The following MPP7 variants were observed in gnomAD, a reference collection of about 807,000 sequenced individuals.
MPP7 encodes MAGUK p55 subfamily member 7.
In MPP7, 60 loss-of-function variants were observed where a neutral mutation model predicts 76.5. The observed-to-expected ratio is 0.78, with a 90% CI of 0.64 to 0.97. The LOEUF (loss-of-function observed/expected upper bound fraction) is 0.97. Among genes scored for constraint, MPP7 ranks in the 50% least tolerant of loss-of-function variants. The probability of loss-of-function intolerance (pLI) is 0.00; values close to 1 mark genes in which losing one functional copy is unlikely to be tolerated. For missense variants in MPP7, 641 were observed against 694.0 expected (o/e 0.92, Z 0.86); for synonymous variants, 237 against 244.5 (o/e 0.97, Z 0.29).
intron 11 of MPP7, among the ~76,000 whole-genome samples, chr10:28,111,704 TTC>T (rs1158677416): frequency 6.6e-6 from 1 of 152,230 alleles, no homozygotes; most frequent in South Asian, 2.1e-4. Flanking sequence ...TTTATTTTTA[TTC>T]TGTCTATATT....
At chr10:28,147,785 C>T (rs571609454) in intron 4 of MPP7, among the ~76,000 whole-genome samples, 65 of 152,310 alleles carry the variant, frequency 4.3e-4, no homozygotes, top group African/African-American at 1.3e-3. Flanking sequence ...ATCAAGTAAT[C>T]GTATCAGCCA....
intron 11 of MPP7, chr10:28,118,015 C>CA (rs148306655): frequency 0.044 from 35,585 of 807,388 alleles, 1,353 homozygotes; most frequent in African/African-American, 0.2. Flanking sequence ...AAAACAAAAA[C>CA]AAAAAAAAAC....
chr10:28,100,243 T>C (rs1355848914), intron 11 of MPP7, among the ~76,000 whole-genome samples: 1 of 152,020 alleles, frequency 6.6e-6, no homozygotes, highest in Non-Finnish European at 1.5e-5. Flanking sequence ...TTGAATATAA[T>C]GCCAATGCTG....
chr10:28,190,528 G>A (rs1228771730), intron 3 of MPP7, among the ~76,000 whole-genome samples: 4 of 151,980 alleles, frequency 2.6e-5, no homozygotes, highest in African/African-American at 7.3e-5. Context: ...AAAGACAGCA[G>A]GAAAATCTCT....
chr10:28,118,982 AG>A, intron 11 of MPP7: 2 of 985,372 alleles, frequency 2.0e-6, no homozygotes, highest in Non-Finnish European at 2.4e-6. Flanking sequence ...CATCTAGGCG[AG>A]GTGGAACAGG....
At chr10:28,145,690 T>C (rs147224017) in intron 5 of MPP7, among the ~76,000 whole-genome samples, 3 of 152,306 alleles carry the variant, frequency 2.0e-5, no homozygotes, top group East Asian at 3.9e-4. Flanking sequence ...CAAAACATCA[T>C]GTATCCTGGA....
At chr10:28,238,379 G>A (rs907446299) in intron 2 of MPP7, among the ~76,000 whole-genome samples, 189 bp downstream of exon 2, 42 of 152,312 alleles carry the variant, frequency 2.8e-4, no homozygotes, top group African/African-American at 8.2e-4. Flanking sequence ...CAGAGAAAGA[G>A]GCAATGAGTC....
intron 2 of MPP7, among the ~76,000 whole-genome samples, chr10:28,224,524 T>C (rs1467977574): frequency 1.3e-5 from 2 of 152,204 alleles, no homozygotes; most frequent in Non-Finnish European, 2.9e-5. Flanking sequence ...TTCTATGAAT[T>C]AGTACAAAGC....
intron 2 of MPP7, among the ~76,000 whole-genome samples, chr10:28,209,420 G>T (rs1182399985): frequency 6.7e-6 from 1 of 150,156 alleles, no homozygotes. Flanking sequence ...AGTGAGCTAT[G>T]ATTGCACCAC....
At chr10:28,262,190 TATATATATATATATATAC>T (rs1488398267) in intron 1 of MPP7, among the ~76,000 whole-genome samples, 2 of 4,656 alleles carry the variant, frequency 4.3e-4, no homozygotes, top group African/African-American at 6.1e-4. Context: ...ATAAATTATA[TATATATATATATATATAC>T]ATATATATAT....
intron 12 of MPP7, among the ~76,000 whole-genome samples, chr10:28,077,620 T>G (rs1852557872): frequency 6.6e-6 from 1 of 152,216 alleles, no homozygotes; most frequent in South Asian, 2.1e-4. Flanking sequence ...CAAAATCTAT[T>G]TACATTCCAA....
At position 28,185,134 on chromosome 10, in the gene MPP7, G is replaced by A. The variant is rs181685122; in HGVS notation, c.156+17019C>T. On this transcript the variant is annotated intron_variant, in intron 3 of 16. Transcript: ENST00000683449. ...ACTTAAGGTCAGGAGTTCGAGACCA[G>A]CCTATATTATATATTTTTTAATAAT... Among the ~76,000 whole-genome samples, 9 of 147,958 alleles carry A rather than the reference G, an allele frequency of 6.1e-5. No homozygotes were observed. The East Asian group carries it at 1.8e-3, about 29-fold the overall frequency.
chr10:28,091,777 A>G (rs1853318808), intron 11 of MPP7, among the ~76,000 whole-genome samples: 1 of 152,176 alleles, frequency 6.6e-6, no homozygotes. Context: ...GTGTTATTTC[A>G]TCTGTATTGA....
chr10:28,280,976 A>G (rs1380309056), intron 1 of MPP7, among the ~76,000 whole-genome samples: 2 of 152,098 alleles, frequency 1.3e-5, no homozygotes, highest in Non-Finnish European at 2.9e-5. Flanking sequence ...AATGGAAAAT[A>G]CCATATACAG....
intron 8 of MPP7, among the ~76,000 whole-genome samples, chr10:28,123,625 C>A (rs867560647): frequency 6.6e-6 from 1 of 151,858 alleles, no homozygotes; most frequent in Admixed American, 6.6e-5. Flanking sequence ...ACTGCCACCA[C>A]GTGCAGCTAA....
In MPP7 at chr10:28,204,751, T is replaced by C. The variant is rs76672395; in HGVS notation, c.38-2480A>G. On this transcript the variant is annotated intron_variant, in intron 2 of 16. Transcript: ENST00000683449. ...ATTCATATGGCAGCATTTAGCCCTG[T>C]GGCTGGCACAGCGTAGGCAGTCCGT... Among the ~76,000 whole-genome samples the C allele has an allele frequency of 4.4e-3, 667 of 152,362 alleles. 5 individuals are homozygous for C. Among genetic ancestry groups the C allele is most frequent in the African/African-American group, 0.015 (609 of 41,590 alleles).
intron 1 of MPP7, among the ~76,000 whole-genome samples, chr10:28,262,933 A>T (rs1840038609): frequency 6.6e-6 from 1 of 152,096 alleles, no homozygotes. Flanking sequence ...GCATGTGCCT[A>T]TAATCCCAGC....
Position 28,189,594 on chromosome 10 carries a change from A to C in MPP7, c.156+12559T>G, listed in dbSNP as rs918312716. 1.7e-4 allele frequency among the ~76,000 whole-genome samples: 25 copies of C among 150,342 alleles called. 1 individual carries two copies. Among genetic ancestry groups the C allele is most frequent in the East Asian group, 5.8e-4 (3 of 5,158 alleles). On this transcript the variant is annotated intron_variant, in intron 3 of 16. Coordinates refer to ENST00000683449, the MANE Select transcript of MPP7 (RefSeq NM_001318170.2). Reference sequence around the variant, plus strand: ...TCAAAAAAAAAAAAAAAAAAAAAAAAAAAAACCTGTATTTGTTGTAAATGT... The same window carrying C: ...TCAAAAAAAAAAAAAAAAAAAAAAACAAAAACCTGTATTTGTTGTAAATGT...
upstream of MPP7, among the ~76,000 whole-genome samples, chr10:28,304,989 C>T (rs1342033031): frequency 6.6e-6 from 1 of 152,010 alleles, no homozygotes; most frequent in Non-Finnish European, 1.5e-5. Flanking sequence ...AGATAAACTT[C>T]CAGACCGGGA....
Sources: gnomAD v4.1 joint callset for allele counts (sites outside exome capture counted in the v4.1 genomes callset) on GRCh38, gnomAD v4.1.1 for gene constraint, MANE v1.5 for transcripts, NCBI Gene and HGNC (gene_info 2026-07-23, HGNC 2026-07-21) for gene names.